OTUD7A: variants seen among roughly 807,000 people sequenced by gnomAD.
OTUD7A encodes the protein OTU deubiquitinase 7A.
In OTUD7A, 12 loss-of-function variants were observed where a neutral mutation model predicts 65.7. The ratio of observed to expected loss-of-function variants is 0.18; its 90% CI spans 0.12 to 0.30. OTUD7A has a LOEUF of 0.30. Among genes scored for constraint, OTUD7A ranks in the 10% least tolerant of loss-of-function variants. The probability of loss-of-function intolerance (pLI) is 1.00; values close to 1 mark genes in which losing one functional copy is unlikely to be tolerated. For missense variants in OTUD7A, 1,148 were observed against 1,304.8 expected (o/e 0.88, Z 1.85); for synonymous variants, 641 against 586.3 (o/e 1.09, Z -1.35).
At chr15:31,539,421 T>G (rs182421811) in intron 5 of OTUD7A, among the ~76,000 whole-genome samples, 271 of 152,226 alleles carry the variant, frequency 1.8e-3, no homozygotes, top group African/African-American at 6.4e-3. Flanking sequence ...TTAACCCCAC[T>G]GGAGCATTCA....
Position 31,483,687 on chromosome 15 carries a change from C to G in OTUD7A, c.2409G>C (p.Thr803=). 1 of 1,160,192 alleles carries G rather than the reference C, an allele frequency of 8.6e-7. No homozygotes were observed. The highest frequency in any genetic ancestry group is 1.1e-6 in the Non-Finnish European group (1 of 943,516). The allele number at this position is 1,160,192 out of a possible 1,614,324, so 71.9% of individuals were successfully genotyped here. ...ACAGCGAGCGGTTCTGCTGCGGGTA[C>G]GTGGCGCACGGCCGCAGCGCCCCCA... The part of the protein sequence containing the change: ...PAVGALRPCA[T]YPQQNRSLSS... Residue 803 remains threonine (T), a synonymous_variant, in exon 13 of 13, where the codon ACG becomes ACC. Coordinates refer to ENST00000307050, the MANE Select transcript of OTUD7A (RefSeq NM_001382637.1).
intron 1 of OTUD7A, among the ~76,000 whole-genome samples, chr15:31,816,011 C>T (rs1896539781): frequency 6.6e-6 from 1 of 152,198 alleles, no homozygotes; most frequent in Non-Finnish European, 1.5e-5. Flanking sequence ...GAGGCACATG[C>T]CCCAGTTTGG....
chr15:31,537,764 T>A (rs1376042372), intron 5 of OTUD7A, among the ~76,000 whole-genome samples: 1 of 152,220 alleles, frequency 6.6e-6, no homozygotes, highest in Non-Finnish European at 1.5e-5. Context: ...GACACCAAAG[T>A]GGGCAGCCTT....
intron 1 of OTUD7A, among the ~76,000 whole-genome samples, chr15:31,804,735 A>C (rs1003907683): frequency 6.6e-6 from 1 of 152,170 alleles, no homozygotes; most frequent in African/African-American, 2.4e-5. Context: ...GGGTTCCATA[A>C]ACATCATCTC....
chr15:31,551,047 T>C (rs963813659), intron 5 of OTUD7A, among the ~76,000 whole-genome samples: 30 of 152,146 alleles, frequency 2.0e-4, no homozygotes, highest in Non-Finnish European at 4.4e-4. Flanking sequence ...CTAGAGCAGC[T>C]GTGTGGATGG....
chr15:31,490,556 A>T (rs1380697050), intron 10 of OTUD7A, among the ~76,000 whole-genome samples: 1 of 152,220 alleles, frequency 6.6e-6, no homozygotes, highest in African/African-American at 2.4e-5. Context: ...CTAAGGAAAG[A>T]CAGGTGCCTC....
intron 2 of OTUD7A, among the ~76,000 whole-genome samples, chr15:31,656,139 C>A (rs1047991691): frequency 7.2e-5 from 11 of 152,162 alleles, no homozygotes; most frequent in African/African-American, 2.7e-4. Context: ...GCAGCATGAT[C>A]CCAGCCAGAG....
chr15:31,829,833 C>T (rs1279166260), intron 1 of OTUD7A, among the ~76,000 whole-genome samples: 3 of 152,102 alleles, frequency 2.0e-5, no homozygotes, highest in South Asian at 4.2e-4. Flanking sequence ...TACCTGAGAC[C>T]CAGACACACT....
intron 1 of OTUD7A, among the ~76,000 whole-genome samples, chr15:31,661,819 A>G (rs886824417): frequency 6.6e-6 from 1 of 152,252 alleles, no homozygotes; most frequent in Admixed American, 6.5e-5. Context: ...TGTTTGAATC[A>G]GAATTCAAGT....
intron 5 of OTUD7A, among the ~76,000 whole-genome samples, chr15:31,538,859 C>T (rs1331682550): frequency 6.6e-6 from 1 of 152,184 alleles, no homozygotes; most frequent in African/African-American, 2.4e-5. Context: ...CCCCATTTCA[C>T]TCTCATTCCT....
rs2041258091 is a variant in OTUD7A at position 31,487,668 on chromosome 15, G to A, written c.1172-102C>T. 6 of 807,322 alleles carry A rather than the reference G, an allele frequency of 7.4e-6. No homozygotes were observed. Among genetic ancestry groups the A allele is most frequent in the East Asian group, 2.8e-5 (1 of 35,792 alleles). The allele number at this position is 807,322 out of a possible 1,614,324, so 50.0% of individuals were successfully genotyped here. ...GGTATCTGGGTGACAAATGCACCGA[G>A]TGGACATCTACACAGATCTGTGCCA... On this transcript the variant is annotated intron_variant, in intron 10 of 12. Transcript: ENST00000307050. The surrounding 1 kb of genome is among the most constrained non-coding windows in gnomAD (Gnocchi z 6.0).
intron 8 of OTUD7A, among the ~76,000 whole-genome samples, chr15:31,516,970 A>G (rs1374574381): frequency 6.6e-6 from 1 of 152,188 alleles, no homozygotes; most frequent in African/African-American, 2.4e-5. Flanking sequence ...ACCCCAGGCC[A>G]TGTTTTCACC....
At chr15:31,517,842 G>C (rs1263461221) in intron 8 of OTUD7A, among the ~76,000 whole-genome samples, 2 of 152,152 alleles carry the variant, frequency 1.3e-5, no homozygotes, top group African/African-American at 2.4e-5. Flanking sequence ...GGGGCACCCT[G>C]GCTTAAGCTG....
At chr15:31,774,412 C>T (rs1390055687) in intron 1 of OTUD7A, among the ~76,000 whole-genome samples, 1 of 152,206 alleles carries the variant, frequency 6.6e-6, no homozygotes, top group Non-Finnish European at 1.5e-5. Flanking sequence ...CATTTGAACA[C>T]CTTGGAAAAT....
intron 1 of OTUD7A, among the ~76,000 whole-genome samples, chr15:31,816,589 G>A (rs192687546): frequency 6.6e-6 from 1 of 152,044 alleles, no homozygotes; most frequent in Non-Finnish European, 1.5e-5. Flanking sequence ...AGCAACTCAG[G>A]AGGCTGAGGC....
chr15:31,776,384 G>A lies in OTUD7A; in HGVS notation c.-100+94123C>T, dbSNP rs372688499. Among the ~76,000 whole-genome samples, 23 of 152,336 alleles carry A rather than the reference G, an allele frequency of 1.5e-4. No individual in the cohort carries two copies. In the South Asian group the frequency reaches 4.8e-3, roughly 32 times the overall value. On this transcript the variant is annotated intron_variant, in intron 1 of 12. Transcript: ENST00000307050. The stretch of plus-strand genomic sequence containing the variant: ...TTCTTGCTCAGTGTATTTCCTGGAT[G>A]GTGGCTGCCAGAATCTGTGGGGAGA...
At chr15:31,525,859 T>G (rs2042004711) in intron 8 of OTUD7A, among the ~76,000 whole-genome samples, 1 of 152,220 alleles carries the variant, frequency 6.6e-6, no homozygotes, top group Admixed American at 6.5e-5. Flanking sequence ...ATGGAGCCCA[T>G]CTGGGAAACA....
intron 1 of OTUD7A, among the ~76,000 whole-genome samples, chr15:31,753,706 A>AT (rs1422934498): frequency 0.038 from 2,669 of 70,704 alleles, 108 homozygotes; most frequent in Non-Finnish European, 0.046. Flanking sequence ...TATATATTAT[A>AT]TATATATATA....
chr15:31,854,153 G>A (rs1188695476), intron 1 of OTUD7A, among the ~76,000 whole-genome samples: 4 of 152,190 alleles, frequency 2.6e-5, no homozygotes, highest in African/African-American at 7.2e-5. Flanking sequence ...GATGCTCCAG[G>A]GAGGATCTGC....
Sources: gnomAD v4.1 joint callset for allele counts (sites outside exome capture counted in the v4.1 genomes callset) on GRCh38, gnomAD v4.1.1 for gene constraint, Gnocchi (gnomAD v3.1) non-coding constraint, MANE v1.5 for transcripts, NCBI Gene and HGNC (gene_info 2026-07-23, HGNC 2026-07-21) for gene names.